FERMT2: variants seen among roughly 807,000 people sequenced by gnomAD.
FERMT2 encodes FERM domain containing kindlin 2.
A neutral mutation model predicts 82.7 loss-of-function variants in FERMT2; 15 were observed. That is an observed-to-expected ratio of 0.18 (90% CI 0.12 to 0.28). FERMT2 has a LOEUF of 0.28. FERMT2 is among the 10% of genes least tolerant of loss of function. The pLI, the probability that FERMT2 is intolerant of heterozygous loss-of-function variation, is 1.00. For missense variants in FERMT2, 645 were observed against 809.4 expected (o/e 0.80, Z 2.46); for synonymous variants, 274 against 271.5 (o/e 1.01, Z -0.09).
In FERMT2 at chr14:52,878,111, T is replaced by C. The variant is rs544845135; in HGVS notation, c.963+471A>G. On this transcript the variant is annotated intron_variant, in intron 7 of 14. Coordinates refer to ENST00000341590, the MANE Select transcript of FERMT2 (RefSeq NM_006832.3). ...AAGGATTATCATTGTAGAAAAAGGTTTGGTTCCACTAGTCTCTCTAAATCT... is the reference window on the plus strand; with the variant it reads ...AAGGATTATCATTGTAGAAAAAGGTCTGGTTCCACTAGTCTCTCTAAATCT... 2.6e-5 allele frequency among the ~76,000 whole-genome samples: 4 copies of C among 152,298 alleles called. No homozygotes were observed. The East Asian group carries it at 7.7e-4, about 29-fold the overall frequency.
At position 52,875,474 on chromosome 14, in the gene FERMT2, G is replaced by A. The variant is rs190712360; in HGVS notation, c.964-117C>T. 171 of 671,446 alleles carry A rather than the reference G, an allele frequency of 2.5e-4. 2 individuals are homozygous for A. The highest frequency in any genetic ancestry group is 1.5e-4 in the South Asian group (7 of 45,168). 41.6% of individuals were successfully genotyped at this position (671,446 alleles called of 1,614,324 possible). Reference sequence around the variant, plus strand: ...GGACCTAATTTGAAAAGACAGAAGCGTCTAGGAACTAGAACGATAGGAAAT... The same window carrying A: ...GGACCTAATTTGAAAAGACAGAAGCATCTAGGAACTAGAACGATAGGAAAT... On this transcript the variant is annotated intron_variant, in intron 7 of 14. Coordinates refer to ENST00000341590, the MANE Select transcript of FERMT2 (RefSeq NM_006832.3).
At position 52,858,078 on chromosome 14, in the gene FERMT2, A is replaced by G. The variant is rs1884676309; in HGVS notation, c.*299T>C. The G allele has an allele frequency of 9.5e-6, 3 of 315,528 alleles. No individual in the cohort carries two copies. The South Asian group carries it at 1.7e-4, about 18-fold the overall frequency. 19.5% of individuals were successfully genotyped at this position (315,528 alleles called of 1,614,324 possible). On this transcript the variant is annotated 3_prime_UTR_variant, in exon 15 of 15. Coordinates refer to ENST00000341590, the MANE Select transcript of FERMT2 (RefSeq NM_006832.3). The stretch of plus-strand genomic sequence containing the variant: ...CTTTAAAATAGATGGCTTGTTTCTT[A>G]CAGTTTGGCTAGCTTAAATCAGTAA...
chr14:52,860,253 G>A, intron 13 of FERMT2, 88 bp downstream of exon 13: 1 of 1,133,228 alleles, frequency 8.8e-7, no homozygotes, highest in African/African-American at 1.5e-5. Flanking sequence ...ACATAGGTAT[G>A]CTTTAGATGT....
Position 52,915,732 on chromosome 14 carries a change from C to T in FERMT2, c.391+3391G>A, listed in dbSNP as rs144274156. ...AATAGCTTTTTTAAACAATACCCCA[C>T]AAACACAAACCAATGTTAACTTCTA... On this transcript the variant is annotated intron_variant, in intron 3 of 14. Transcript: ENST00000341590. 3.8e-3 allele frequency among the ~76,000 whole-genome samples: 582 copies of T among 152,246 alleles called. 3 individuals carry two copies. Among genetic ancestry groups the T allele is most frequent in the Non-Finnish European group, 6.5e-3 (445 of 68,004 alleles).
chr14:52,889,645 T>C (rs1259329320), intron 4 of FERMT2, among the ~76,000 whole-genome samples: 1 of 152,212 alleles, frequency 6.6e-6, no homozygotes, highest in Non-Finnish European at 1.5e-5. Context: ...ATGAACATCA[T>C]AGAGTGTACT....
At chr14:52,924,141 G>C (rs1040075941) in intron 2 of FERMT2, among the ~76,000 whole-genome samples, 2 of 152,192 alleles carry the variant, frequency 1.3e-5, no homozygotes, top group African/African-American at 4.8e-5. Flanking sequence ...TCTAGTGCTA[G>C]AGATATGATG....
At chr14:52,861,164 A>G in intron 12 of FERMT2, 3 of 707,658 alleles carry the variant, frequency 4.2e-6, no homozygotes, top group Non-Finnish European at 7.1e-6. Flanking sequence ...AAAGTCATGC[A>G]AAAAACTACT....
At chr14:52,950,742 ACGCCCCGCT>A (rs1044681837) in intron 1 of FERMT2, 165 bp from the exon 2 acceptor site, 4 of 594,442 alleles carry the variant, frequency 6.7e-6, no homozygotes, top group African/African-American at 5.9e-5. Context: ...GGAGGACCCT[ACGCCCCGCT>A]CGCCCCGCAG....
At chr14:52,887,735 G>A (rs1195995931) in intron 4 of FERMT2, among the ~76,000 whole-genome samples, 1 of 151,980 alleles carries the variant, frequency 6.6e-6, no homozygotes, top group African/African-American at 2.4e-5. Context: ...TTCTAGCTCT[G>A]CTCCTTATTA....
chr14:52,904,256 C>G (rs1887848703), intron 3 of FERMT2, among the ~76,000 whole-genome samples: 1 of 152,190 alleles, frequency 6.6e-6, no homozygotes, highest in Non-Finnish European at 1.5e-5. Context: ...GTGGCTCACG[C>G]CTGTAATCTC....
At chr14:52,912,590 G>A (rs928097387) in intron 3 of FERMT2, among the ~76,000 whole-genome samples, 3 of 150,420 alleles carry the variant, frequency 2.0e-5, no homozygotes, top group Admixed American at 6.6e-5. Flanking sequence ...GGCTCACTGC[G>A]ACCTCCACCT....
intron 3 of FERMT2, among the ~76,000 whole-genome samples, chr14:52,904,792 A>G (rs1427054530): frequency 6.6e-6 from 1 of 151,696 alleles, no homozygotes; most frequent in Admixed American, 6.6e-5. Context: ...CGAGACAGGA[A>G]AGGTAAAAAT....
chr14:52,936,739 A>G (rs552838800), intron 2 of FERMT2, among the ~76,000 whole-genome samples: 1 of 152,258 alleles, frequency 6.6e-6, no homozygotes, highest in Non-Finnish European at 1.5e-5. Context: ...TCTCAGCTTA[A>G]AAGTCATTTC....
chr14:52,910,691 T>G (rs905317962), intron 3 of FERMT2, among the ~76,000 whole-genome samples: 3 of 152,222 alleles, frequency 2.0e-5, no homozygotes, highest in African/African-American at 7.2e-5. Context: ...AATAAAAAGC[T>G]TGGAAATGAT....
chr14:52,889,465 G>A (rs1886805316), intron 4 of FERMT2, among the ~76,000 whole-genome samples: 1 of 152,204 alleles, frequency 6.6e-6, no homozygotes, highest in African/African-American at 2.4e-5. Flanking sequence ...AGATTGGGGA[G>A]TGTAAGAATT....
intron 2 of FERMT2, among the ~76,000 whole-genome samples, chr14:52,947,953 T>C (rs1890438618): frequency 6.6e-6 from 1 of 152,238 alleles, no homozygotes; most frequent in African/African-American, 2.4e-5. Context: ...CTTTTGGTAT[T>C]CATATACCGT....
intron 2 of FERMT2, among the ~76,000 whole-genome samples, chr14:52,947,205 C>T (rs1890395791): frequency 6.6e-6 from 1 of 152,132 alleles, no homozygotes; most frequent in Non-Finnish European, 1.5e-5. Context: ...CTAGGATGGG[C>T]GTGGTGGCTC....
rs1884688127 is a variant in FERMT2, at chr14:52,858,212, T to C, written c.*165A>G. 8.4e-6 allele frequency: 5 copies of C among 593,710 alleles called. No individual in the cohort carries two copies. Among genetic ancestry groups the C allele is most frequent in the Admixed American group, 5.9e-5 (2 of 33,756 alleles). 36.8% of individuals were successfully genotyped at this position (593,710 alleles called of 1,614,324 possible). A position where few individuals can be genotyped will look rare whatever the true frequency, so the allele number is the denominator to read the frequency against. ...ATTATATCATAACATGATAGATTAA[T>C]AGTCGTGCTTGTTTAGTGCACATAT... On this transcript the variant is annotated 3_prime_UTR_variant, in exon 15 of 15. Coordinates refer to ENST00000341590, the MANE Select transcript of FERMT2 (RefSeq NM_006832.3).
At chr14:52,881,169 A>T in intron 5 of FERMT2, 31 bp from the exon 6 acceptor site, 1 of 1,596,252 alleles carries the variant, frequency 6.3e-7, no homozygotes, top group Non-Finnish European at 8.6e-7. Flanking sequence ...GGAACAAAAC[A>T]ACACAGAATG....
Sources: gnomAD v4.1 joint callset for allele counts (sites outside exome capture counted in the v4.1 genomes callset) on GRCh38, gnomAD v4.1.1 for gene constraint, MANE v1.5 for transcripts, NCBI Gene and HGNC (gene_info 2026-07-23, HGNC 2026-07-21) for gene names.